Variants in KATNIP observed in about 807,000 individuals in gnomAD.
KATNIP encodes the protein katanin interacting protein.
KATNIP carries 126 observed loss-of-function variants against 174.0 expected under a neutral mutation model. The observed-to-expected ratio is 0.72, with a 90% CI of 0.63 to 0.84. The LOEUF is 0.84. KATNIP is among the 40% of genes least tolerant of loss of function. KATNIP has a pLI of 0.00. For synonymous variants in KATNIP, 810 were observed against 835.7 expected (o/e 0.97, Z 0.53); for missense variants, 1,958 against 2,109.7 (o/e 0.93, Z 1.41).
chr16:27,683,987 C>T (rs1017285069), intron 8 of KATNIP, among the ~76,000 whole-genome samples: 8 of 152,158 alleles, frequency 5.3e-5, no homozygotes, highest in Non-Finnish European at 1.5e-5. Context: ...AGGAGTGGCA[C>T]GGTGGTGGTC....
chr16:27,694,933 T>C (rs1200028872), intron 8 of KATNIP, among the ~76,000 whole-genome samples: 1 of 152,190 alleles, frequency 6.6e-6, no homozygotes, highest in African/African-American at 2.4e-5. Context: ...TTGTCCCAAA[T>C]TGAGCCCTCT....
At chr16:27,751,103 C>T (rs1009458125) in intron 16 of KATNIP, among the ~76,000 whole-genome samples, 1 of 152,102 alleles carries the variant, frequency 6.6e-6, no homozygotes, top group Non-Finnish European at 1.5e-5. Context: ...TCCCATAAAG[C>T]ACCTGTCTTG....
chr16:27,562,243 GTTA>G (rs1159453382), intron 1 of KATNIP, among the ~76,000 whole-genome samples: 8 of 152,194 alleles, frequency 5.3e-5, no homozygotes, highest in Non-Finnish European at 4.4e-5. Context: ...GAAGGTTGAA[GTTA>G]TTATGGTGAG....
intron 5 of KATNIP, among the ~76,000 whole-genome samples, chr16:27,647,224 C>T (rs575133635): frequency 6.6e-6 from 1 of 152,342 alleles, no homozygotes; most frequent in East Asian, 1.9e-4. Flanking sequence ...AGGCCCCAGT[C>T]CAGAGTGTCT....
chr16:27,577,177 C>A (rs183952350), intron 2 of KATNIP, among the ~76,000 whole-genome samples: 2 of 152,202 alleles, frequency 1.3e-5, no homozygotes, highest in African/African-American at 4.8e-5. Context: ...TGTTTAAATC[C>A]ACATTTAAAA....
chr16:27,698,131 G>A (rs761118074), intron 8 of KATNIP, among the ~76,000 whole-genome samples, 197 bp from the exon 9 acceptor site: 7 of 152,036 alleles, frequency 4.6e-5, no homozygotes, highest in African/African-American at 9.7e-5. Context: ...TCCCCCCAGG[G>A]CCACCACTGC....
Position 27,778,940 on chromosome 16 carries a change from C to T in KATNIP, c.*311C>T. The T allele has an allele frequency of 3.1e-6, 1 of 324,144 alleles. No individual in the cohort carries two copies. 20.1% of individuals were successfully genotyped at this position (324,144 alleles called of 1,614,324 possible). ...CCATGACCACTAGGGCCTGGGCTGACCCTGACTCAGAACAGGACAATGACG... is the reference window on the plus strand; with the variant it reads ...CCATGACCACTAGGGCCTGGGCTGATCCTGACTCAGAACAGGACAATGACG... On this transcript the variant is annotated 3_prime_UTR_variant, in exon 28 of 28. Coordinates refer to ENST00000261588, the MANE Select transcript of KATNIP (RefSeq NM_015202.5).
At chr16:27,656,865 C>T (rs552909082) in intron 6 of KATNIP, among the ~76,000 whole-genome samples, 2 of 148,848 alleles carry the variant, frequency 1.3e-5, no homozygotes, top group South Asian at 4.3e-4. Flanking sequence ...TGCAGCGCAC[C>T]AGCATGGCAC....
chr16:27,696,612 G>T (rs2078921078), intron 8 of KATNIP, among the ~76,000 whole-genome samples: 1 of 152,096 alleles, frequency 6.6e-6, no homozygotes, highest in East Asian at 1.9e-4. Context: ...TCCCATGTTA[G>T]TTTGCTCAGG....
At chr16:27,738,282 G>A (rs747826337) in intron 14 of KATNIP, among the ~76,000 whole-genome samples, 1 of 152,158 alleles carries the variant, frequency 6.6e-6, no homozygotes, top group African/African-American at 2.4e-5. Context: ...GAAGGAGGAA[G>A]GGGAGACAGG....
At chr16:27,752,583 G>A (rs1221184687) in intron 17 of KATNIP, among the ~76,000 whole-genome samples, 1 of 152,168 alleles carries the variant, frequency 6.6e-6, no homozygotes, top group Non-Finnish European at 1.5e-5. Context: ...ATAGGGCCTG[G>A]CACTGTCGCC....
At chr16:27,737,442 T>C (rs1231846811) in intron 14 of KATNIP, among the ~76,000 whole-genome samples, 1 of 151,884 alleles carries the variant, frequency 6.6e-6, no homozygotes. Flanking sequence ...CTGTTAGATA[T>C]CCAGGAAGAG....
At chr16:27,659,653 G>T (rs936016051) in intron 6 of KATNIP, among the ~76,000 whole-genome samples, 1 of 152,120 alleles carries the variant, frequency 6.6e-6, no homozygotes, top group African/African-American at 2.4e-5. Context: ...TTAAAATGTG[G>T]CTCAAACTTG....
chr16:27,672,177 CA>C, intron 6 of KATNIP, among the ~76,000 whole-genome samples: 1 of 152,222 alleles, frequency 6.6e-6, no homozygotes, highest in East Asian at 1.9e-4. Flanking sequence ...CTGAGGCCCA[CA>C]AAGCCCTGTC....
intron 12 of KATNIP, among the ~76,000 whole-genome samples, chr16:27,707,408 G>C (rs564442550): frequency 1.3e-5 from 2 of 152,334 alleles, no homozygotes; most frequent in African/African-American, 4.8e-5. Flanking sequence ...AAGGAGGCAG[G>C]CATTAAAACC....
Position 27,740,627 on chromosome 16 carries a change from G to T in KATNIP, c.2330G>T (p.Ser777Ile), listed in dbSNP as rs2081068914. ...AGGAAGCCAAAACCCCTCTGGCTTA[G>T]TCCCGAGAAGCCCCTGGCCTGGAAG... The part of the protein sequence containing the change: ...GGRKPKPLWL[S>I]PEKPLAWKGR... Residue 777 changes from serine to isoleucine, a missense_variant, in exon 15 of 28, where the codon AGT becomes ATT. Ser to Ile is a moderately radical substitution (Grantham distance 142). Transcript: ENST00000261588. The T allele has an allele frequency of 6.2e-7, 1 of 1,614,244 alleles. No individual in the cohort carries two copies. The highest frequency in any genetic ancestry group is 8.5e-7 in the Non-Finnish European group (1 of 1,180,042).
chr16:27,636,024 A>C (rs2076625722), intron 5 of KATNIP, among the ~76,000 whole-genome samples: 1 of 152,042 alleles, frequency 6.6e-6, no homozygotes, highest in Non-Finnish European at 1.5e-5. Context: ...ATAGTAGCGC[A>C]CACCTCTAGT....
chr16:27,645,447 C>T lies in KATNIP; in HGVS notation c.409-3157C>T, dbSNP rs376211943. ...GGAGTCTAGAACCTGGGCCCTTCAC[C>T]ACACAGGAGCCACGGTAACAGAAAC... On this transcript the variant is annotated intron_variant, in intron 5 of 27. Transcript: ENST00000261588. 2.7e-4 allele frequency among the ~76,000 whole-genome samples: 41 copies of T among 152,316 alleles called. No homozygotes were observed. In the East Asian group the frequency reaches 6.2e-3, roughly 23 times the overall value.
intron 15 of KATNIP, among the ~76,000 whole-genome samples, chr16:27,746,916 G>C (rs1010294915): frequency 1.3e-5 from 2 of 152,222 alleles, no homozygotes; most frequent in Non-Finnish European, 2.9e-5. Context: ...CAGCTAGAGG[G>C]GTTGATGACA....
Sources: gnomAD v4.1 joint callset for allele counts (sites outside exome capture counted in the v4.1 genomes callset) on GRCh38, gnomAD v4.1.1 for gene constraint, MANE v1.5 for transcripts, NCBI Gene and HGNC (gene_info 2026-07-23, HGNC 2026-07-21) for gene names.